FAXC: variants seen among roughly 807,000 people sequenced by gnomAD.
The protein encoded by FAXC is failed axon connections homolog.
A neutral mutation model predicts 41.9 loss-of-function variants in FAXC; 10 were observed. The observed-to-expected ratio is 0.24, with a 90% CI of 0.15 to 0.41. The LOEUF (loss-of-function observed/expected upper bound fraction) is 0.41, where lower values mean the gene tolerates loss of function less well. Among genes scored for constraint, FAXC ranks in the 10% least tolerant of loss-of-function variants. The probability of loss-of-function intolerance (pLI) is 1.00; values close to 1 mark genes in which losing one functional copy is unlikely to be tolerated. For missense variants in FAXC, 399 were observed against 510.9 expected (o/e 0.78, Z 2.11); for synonymous variants, 183 against 183.8 (o/e 1.00, Z 0.03).
intron 5 of FAXC, among the ~76,000 whole-genome samples, chr6:99,281,745 C>G (rs1770847304): frequency 6.6e-6 from 1 of 152,246 alleles, no homozygotes; most frequent in Admixed American, 6.5e-5. Context: ...CCCAGGCAGG[C>G]CCTCGCCAGA....
chr6:99,337,256 GA>G (rs34138056), intron 2 of FAXC, among the ~76,000 whole-genome samples: 66,007 of 143,830 alleles, frequency 0.46, 14,794 homozygotes, highest in East Asian at 0.6. Flanking sequence ...TGCAGCTTAG[GA>G]AAAAAAAAAA....
In FAXC at chr6:99,323,491, A is replaced by G; in HGVS notation, c.776T>C (p.Ile259Thr). The change falls in exon 4 of 6, where the codon ATT becomes ACT. Residue 259 changes from isoleucine to threonine, a missense_variant. By Grantham distance (89) the Ile-to-Thr change is moderately conservative (BLOSUM62 -1). Around this residue, in one of 3 missense-constraint regions of FAXC, gnomAD observed 239 missense variants for 352.7 expected, o/e 0.68. Coordinates refer to ENST00000389677, the MANE Select transcript of FAXC (RefSeq NM_032511.4). The stretch of plus-strand genomic sequence containing the variant: ...CATGTCCTTCTCCATCAGCATGTAA[A>G]TCTCTTCCTCGGAGAAGCGGCCAAT... ...HGIGRFSEEE[I>T]YMLMEKDMRS... 1 of 1,614,226 alleles carries G rather than the reference A, an allele frequency of 6.2e-7. No homozygotes were observed. Among genetic ancestry groups the G allele is most frequent in the East Asian group, 2.2e-5 (1 of 44,884 alleles).
At chr6:99,334,036 C>T (rs1773126743) in intron 2 of FAXC, among the ~76,000 whole-genome samples, 1 of 152,126 alleles carries the variant, frequency 6.6e-6, no homozygotes. Context: ...TGAACGGTCC[C>T]CAAAAATTAT....
chr6:99,275,379 A>G lies in FAXC; in HGVS notation c.*5785T>C, dbSNP rs1285179092. On this transcript the variant is annotated 3_prime_UTR_variant, in exon 6 of 6. Coordinates refer to ENST00000389677, the MANE Select transcript of FAXC (RefSeq NM_032511.4). ...CTCCAGATTACTTGTTTTCCTACTG[A>G]AATGGTCAGTTTGGTGCTGCTAGAC... 1 of 152,224 alleles carries G rather than the reference A, an allele frequency of 6.6e-6. No homozygotes were observed. Among genetic ancestry groups the G allele is most frequent in the Non-Finnish European group, 1.5e-5 (1 of 68,040 alleles). 9.4% of individuals were successfully genotyped at this position (152,224 alleles called of 1,614,324 possible).
intron 4 of FAXC, among the ~76,000 whole-genome samples, chr6:99,294,356 C>G (rs912871814): frequency 6.6e-6 from 1 of 152,218 alleles, no homozygotes; most frequent in African/African-American, 2.4e-5. Flanking sequence ...CGCAGGCAGG[C>G]AGAGGGAAAC....
intron 4 of FAXC, among the ~76,000 whole-genome samples, chr6:99,317,429 C>G (rs1218405326): frequency 2.0e-5 from 3 of 152,210 alleles, no homozygotes; most frequent in Non-Finnish European, 4.4e-5. Flanking sequence ...TTGAAGACCA[C>G]ATTTTAACTT....
chr6:99,328,199 T>C (rs1396565413), intron 3 of FAXC, among the ~76,000 whole-genome samples: 1 of 152,194 alleles, frequency 6.6e-6, no homozygotes, highest in Admixed American at 6.5e-5. Context: ...CTCCCTGCTA[T>C]AGACTGAACG....
chr6:99,338,723 G>A (rs1487027026), intron 2 of FAXC, among the ~76,000 whole-genome samples: 1 of 152,162 alleles, frequency 6.6e-6, no homozygotes, highest in Non-Finnish European at 1.5e-5. Flanking sequence ...TTCAAGTGCT[G>A]ACTGCCAAAA....
chr6:99,306,050 C>CT (rs1771906771), intron 4 of FAXC, among the ~76,000 whole-genome samples: 1 of 151,770 alleles, frequency 6.6e-6, no homozygotes, highest in Non-Finnish European at 1.5e-5. Context: ...TGGCTGGCAG[C>CT]TACATTAGAG....
chr6:99,297,436 T>C (rs1378708087), intron 4 of FAXC, among the ~76,000 whole-genome samples: 3 of 151,950 alleles, frequency 2.0e-5, no homozygotes, highest in Non-Finnish European at 2.9e-5. Flanking sequence ...TTAGGCCAAA[T>C]TGAGGGAACA....
chr6:99,303,826 C>T (rs946638187), intron 4 of FAXC, among the ~76,000 whole-genome samples: 3 of 152,172 alleles, frequency 2.0e-5, no homozygotes, highest in Non-Finnish European at 4.4e-5. Flanking sequence ...GGCAAGTTAT[C>T]AAAACCTCTA....
At chr6:99,306,733 TCTACCA>T (rs1771934540) in intron 4 of FAXC, among the ~76,000 whole-genome samples, 1 of 152,218 alleles carries the variant, frequency 6.6e-6, no homozygotes, top group South Asian at 2.1e-4. Context: ...AAATTTAAGC[TCTACCA>T]TTTACAAGCT....
intron 2 of FAXC, among the ~76,000 whole-genome samples, chr6:99,339,252 A>C (rs1352866547): frequency 6.6e-6 from 1 of 152,322 alleles, no homozygotes; most frequent in Non-Finnish European, 1.5e-5. Flanking sequence ...TTGGTGCTTT[A>C]TAAGAGTCTA....
At chr6:99,344,952 T>C (rs1412325389) in intron 1 of FAXC, among the ~76,000 whole-genome samples, 3 of 152,216 alleles carry the variant, frequency 2.0e-5, no homozygotes, top group African/African-American at 7.2e-5. Context: ...TTTATATATA[T>C]TATATATGTT....
rs1036198904 is a variant in FAXC, at chr6:99,274,972, T to C, written c.*6192A>G. The C allele has an allele frequency of 1.3e-5, 2 of 152,200 alleles. No individual in the cohort carries two copies. Among genetic ancestry groups the C allele is most frequent in the African/African-American group, 2.4e-5 (1 of 41,456 alleles). 9.4% of individuals were successfully genotyped at this position (152,200 alleles called of 1,614,324 possible). ...TAGCCCTCAATGAACAATTATATTA[T>C]ATTCCCTTTGCTATCTGTTTAGCCA... On this transcript the variant is annotated 3_prime_UTR_variant, in exon 6 of 6. Transcript: ENST00000389677.
chr6:99,307,363 T>C (rs975099312), intron 4 of FAXC, among the ~76,000 whole-genome samples: 7 of 152,060 alleles, frequency 4.6e-5, no homozygotes, highest in African/African-American at 9.7e-5. Flanking sequence ...GAAAGATAAT[T>C]TGTACTCAAA....
intron 5 of FAXC, among the ~76,000 whole-genome samples, chr6:99,282,637 G>A (rs996457239): frequency 6.6e-6 from 1 of 152,090 alleles, no homozygotes; most frequent in Non-Finnish European, 1.5e-5. Flanking sequence ...AAGAAAGAGG[G>A]TGAGTTTCTC....
intron 4 of FAXC, among the ~76,000 whole-genome samples, chr6:99,306,254 G>A (rs895876993): frequency 2.0e-5 from 3 of 152,180 alleles, no homozygotes; most frequent in African/African-American, 7.2e-5. Flanking sequence ...GATACAGCAG[G>A]CAAGGGCCGG....
rs1323605480 is a variant in FAXC at position 99,280,933 on chromosome 6, C to T, written c.*231G>A. On this transcript the variant is annotated 3_prime_UTR_variant, in exon 6 of 6. Coordinates refer to ENST00000389677, the MANE Select transcript of FAXC (RefSeq NM_032511.4). The stretch of plus-strand genomic sequence containing the variant: ...TTCTAATGAAAACAAAAATGGATTT[C>T]AGGAACCATGCTGACATTATTTTTT... 2.2e-6 allele frequency: 1 copy of T among 464,950 alleles called. No individual in the cohort carries two copies. Among genetic ancestry groups the T allele is most frequent in the African/African-American group, 1.9e-5 (1 of 51,464 alleles). The allele number at this position is 464,950 out of a possible 1,614,324, so 28.8% of individuals were successfully genotyped here.
Sources: gnomAD v4.1 joint callset for allele counts (sites outside exome capture counted in the v4.1 genomes callset) on GRCh38, gnomAD v4.1.1 for gene constraint, gnomAD v4.1.1 regional missense constraint, MANE v1.5 for transcripts, NCBI Gene and HGNC (gene_info 2026-07-23, HGNC 2026-07-21) for gene names.